Variants in SVEP1 observed in about 807,000 individuals in gnomAD.
SVEP1 encodes the protein sushi, von Willebrand factor type A, EGF and pentraxin domain containing 1.
In SVEP1, 164 loss-of-function variants were observed where a neutral mutation model predicts 367.3. That is an observed-to-expected ratio of 0.45 (90% CI 0.39 to 0.51). SVEP1 has a LOEUF of 0.51. Ranked by LOEUF, SVEP1 falls within the 20% of genes least tolerant of loss-of-function variation. The probability of loss-of-function intolerance (pLI) is 0.00; values close to 1 mark genes in which losing one functional copy is unlikely to be tolerated. For synonymous variants in SVEP1, 1,666 were observed against 1,611.6 expected, an observed-to-expected ratio of 1.03 and a Z score of -0.81; for missense variants, 4,117 against 4,425.3, an observed-to-expected ratio of 0.93 and a Z score of 1.98.
rs386419590 is a variant in SVEP1, at chr9:110,392,134, TA to T, written c.9823-2548del. On this transcript the variant is annotated intron_variant, in intron 40 of 47. Transcript: ENST00000374469. ...ATTAACTTGTGACCCAATTCCTCATTATATATATATATATATATATCTCTTC... is the reference window on the plus strand; with the variant it reads ...ATTAACTTGTGACCCAATTCCTCATTTATATATATATATATATATCTCTTC... Among the ~76,000 whole-genome samples the T allele has an allele frequency of 3.9e-4, 31 of 79,652 alleles. 2 individuals are homozygous for T. Among genetic ancestry groups the T allele is most frequent in the Admixed American group, 6.0e-4 (5 of 8,268 alleles). 52.3% of individuals were successfully genotyped at this position (79,652 alleles called of 152,430 possible). A position where few individuals can be genotyped will look rare whatever the true frequency, so the allele number is the denominator to read the frequency against.
chr9:110,573,555 G>A (rs779187088), intron 1 of SVEP1, among the ~76,000 whole-genome samples: 2 of 150,226 alleles, frequency 1.3e-5, no homozygotes, highest in East Asian at 2.0e-4. Flanking sequence ...CAGGAACAAT[G>A]AGGAAAGCAG....
intron 8 of SVEP1, among the ~76,000 whole-genome samples, chr9:110,492,641 T>C (rs969672870): frequency 3.3e-5 from 5 of 151,892 alleles, no homozygotes; most frequent in African/African-American, 4.8e-5. Context: ...AATAGGAGAA[T>C]TGACTTGGGT....
At chr9:110,423,713 C>T (rs180774661) in intron 36 of SVEP1, among the ~76,000 whole-genome samples, 1 of 152,042 alleles carries the variant, frequency 6.6e-6, no homozygotes, top group African/African-American at 2.4e-5. Context: ...AGAGTAAAAA[C>T]GAAGCCACAG....
At chr9:110,512,559 C>G (rs1360090908) in intron 5 of SVEP1, among the ~76,000 whole-genome samples, 2 of 152,118 alleles carry the variant, frequency 1.3e-5, no homozygotes, top group Non-Finnish European at 2.9e-5. Context: ...TTGCAGGATA[C>G]TTGTGTGATT....
Position 110,429,144 on chromosome 9 carries a change from TG to T in SVEP1, c.5805del (p.Tyr1935Ter). ...TTGGTTGGTGTCTACAAATGTTACC[TG>T]TATCCTGTATCGCATGAATATGATG... ...STASYSCDTGYSLQGPSIIEC... is the reference protein window; with the variant it reads ...STASYSCDTGXSLQGPSIIEC... On this transcript the variant is annotated frameshift_variant and splice_region_variant, in exon 35 of 48. Coordinates refer to ENST00000374469, the MANE Select transcript of SVEP1 (RefSeq NM_153366.4). LOFTEE classifies it high-confidence loss of function. 1 of 1,579,514 alleles carries T rather than the reference TG, an allele frequency of 6.3e-7. No homozygotes were observed. Among genetic ancestry groups the T allele is most frequent in the Non-Finnish European group, 8.6e-7 (1 of 1,163,376 alleles).
rs1182459107 is a variant in SVEP1, at chr9:110,466,034, G to T, written c.3161-8C>A. ...TGCCTTGTTTACACTGAGCTGAAAA[G>T]AAAAAGGTAATATTACTATCAATAA... On this transcript the variant is annotated splice_region_variant and splice_polypyrimidine_tract_variant and intron_variant, in intron 17 of 47. Transcript: ENST00000374469. 2 of 1,607,958 alleles carry T rather than the reference G, an allele frequency of 1.2e-6. No homozygotes were observed. Among genetic ancestry groups the T allele is most frequent in the South Asian group, 2.2e-5 (2 of 90,636 alleles).
In SVEP1 at chr9:110,483,652, G is replaced by T; in HGVS notation, c.1972C>A (p.Pro658Thr). 3 of 1,611,922 alleles carry T rather than the reference G, an allele frequency of 1.9e-6. No homozygotes were observed. Among genetic ancestry groups the T allele is most frequent in the Non-Finnish European group, 2.5e-6 (3 of 1,178,902 alleles). Residue 658 changes from proline to threonine, a missense_variant, in exon 10 of 48, where the codon CCC becomes ACC. Pro to Thr is a conservative substitution (Grantham distance 38, BLOSUM62 -1). This residue lies in a region of SVEP1 where 2,174 missense variants were observed against 2,494.3 expected (regional missense o/e 0.87). Coordinates refer to ENST00000374469, the MANE Select transcript of SVEP1 (RefSeq NM_153366.4). ...TGTACCTTCTCCGAGACCTGGACGG[G>T]AGGTGGAGATCTGCACCAGTCTATG... ...PVIDWCRSPP[P>T]VQVSEKVHAA...
At chr9:110,429,852 C>T in intron 34 of SVEP1, 68 bp downstream of exon 34, 1 of 1,320,714 alleles carries the variant, frequency 7.6e-7, no homozygotes, top group Non-Finnish European at 1.1e-6. Context: ...CCCTTTCTTT[C>T]AGTGTTATAT....
At chr9:110,537,926 C>T (rs10759440) in intron 3 of SVEP1, among the ~76,000 whole-genome samples, 102,855 of 151,484 alleles carry the variant, frequency 0.68, 35,851 homozygotes, top group Admixed American at 0.77. Context: ...CCTTTGTTCA[C>T]GTATCATTTT....
At chr9:110,446,787 G>A (rs180903015) in intron 25 of SVEP1, 113 bp downstream of exon 25, 2 of 875,222 alleles carry the variant, frequency 2.3e-6, no homozygotes, top group Admixed American at 3.8e-5. Context: ...AGTACAAAGT[G>A]CTTGGCATCG....
chr9:110,510,314 C>A (rs1829688021), intron 5 of SVEP1, among the ~76,000 whole-genome samples: 1 of 152,254 alleles, frequency 6.6e-6, no homozygotes, highest in African/African-American at 2.4e-5. Context: ...TCCCACTCCT[C>A]TTCTGTTTCC....
rs376594931 is a variant in SVEP1, at chr9:110,514,124, G to A, written c.965-18C>T. 91 of 1,602,782 alleles carry A rather than the reference G, an allele frequency of 5.7e-5. No individual in the cohort carries two copies. Among genetic ancestry groups the A allele is most frequent in the East Asian group, 1.1e-4 (5 of 44,642 alleles). On this transcript the variant is annotated intron_variant, in intron 3 of 47. Coordinates refer to ENST00000374469, the MANE Select transcript of SVEP1 (RefSeq NM_153366.4). ...TGGGCAAGCTGTGGGCAGACAAGCC[G>A]GAGAAGTCCATGTTATGTGGCACAT...
chr9:110,551,113 CA>C (rs1428100739), intron 1 of SVEP1, among the ~76,000 whole-genome samples: 3 of 152,130 alleles, frequency 2.0e-5, no homozygotes, highest in Non-Finnish European at 4.4e-5. Flanking sequence ...ATTCAAGAAA[CA>C]CTACATGTTT....
intron 40 of SVEP1, among the ~76,000 whole-genome samples, chr9:110,393,097 TCC>T (rs1827692457): frequency 6.6e-6 from 1 of 152,230 alleles, no homozygotes; most frequent in Non-Finnish European, 1.5e-5. Context: ...AACATATATT[TCC>T]ACAAATTTTT....
intron 3 of SVEP1, among the ~76,000 whole-genome samples, chr9:110,517,894 TA>T (rs1829826458): frequency 6.6e-6 from 1 of 151,624 alleles, no homozygotes; most frequent in Non-Finnish European, 1.5e-5. Context: ...AATTGCTAAC[TA>T]AAATAATTGT....
chr9:110,464,872 G>C (rs2118651369), intron 18 of SVEP1, among the ~76,000 whole-genome samples: 1 of 152,248 alleles, frequency 6.6e-6, no homozygotes, highest in East Asian at 1.9e-4. Context: ...AATTACAGTA[G>C]TTGCAATTTT....
chr9:110,479,457 A>T (rs985296117), intron 13 of SVEP1, among the ~76,000 whole-genome samples, 178 bp downstream of exon 13: 1 of 152,226 alleles, frequency 6.6e-6, no homozygotes, highest in Non-Finnish European at 1.5e-5. Flanking sequence ...GTTTTAATGC[A>T]TATTTACTTC....
intron 15 of SVEP1, among the ~76,000 whole-genome samples, 166 bp downstream of exon 15, chr9:110,471,993 G>T (rs1236143622): frequency 1.3e-5 from 2 of 152,156 alleles, no homozygotes; most frequent in Non-Finnish European, 2.9e-5. Context: ...AGACATCTAT[G>T]ATACTGACAG....
chr9:110,554,631 C>A (rs1830333224), intron 1 of SVEP1, among the ~76,000 whole-genome samples: 1 of 151,646 alleles, frequency 6.6e-6, no homozygotes, highest in Non-Finnish European at 1.5e-5. Flanking sequence ...CTCCTTCTGG[C>A]AAAATAAAGG....
Sources: gnomAD v4.1 joint callset for allele counts (sites outside exome capture counted in the v4.1 genomes callset) on GRCh38, gnomAD v4.1.1 for gene constraint, gnomAD v4.1.1 regional missense constraint, MANE v1.5 for transcripts, NCBI Gene and HGNC (gene_info 2026-07-23, HGNC 2026-07-21) for gene names.